NEK10: variants seen among roughly 807,000 people sequenced by gnomAD.
NEK10 encodes the protein serine/threonine-protein kinase Nek10.
Under a neutral mutation model 159.8 loss-of-function variants are expected in NEK10, and 122 were observed. That is an observed-to-expected ratio of 0.76 (90% confidence interval 0.66 to 0.89). The LOEUF (loss-of-function observed/expected upper bound fraction) is 0.89, where lower values mean the gene tolerates loss of function less well. Among genes scored for constraint, NEK10 ranks in the 40% least tolerant of loss-of-function variants. NEK10 has a pLI of 0.00. For missense variants in NEK10, 1,342 were observed against 1,323.1 expected (o/e 1.01, Z -0.22); for synonymous variants, 466 against 457.1 (o/e 1.02, Z -0.25).
At chr3:27,153,113 G>A (rs374380986) in intron 30 of NEK10, among the ~76,000 whole-genome samples, 2 of 152,260 alleles carry the variant, frequency 1.3e-5, no homozygotes, top group African/African-American at 4.8e-5. Context: ...GAGGTCAGGA[G>A]ATCGAGACTA....
intron 26 of NEK10, among the ~76,000 whole-genome samples, chr3:27,185,596 C>A (rs1948541015): frequency 6.6e-6 from 1 of 152,296 alleles, no homozygotes; most frequent in Non-Finnish European, 1.5e-5. Context: ...TTTGCACTTG[C>A]CTCGTCAGTC....
chr3:27,274,503 G>C (rs1401318762), intron 22 of NEK10, among the ~76,000 whole-genome samples: 1 of 152,058 alleles, frequency 6.6e-6, no homozygotes, highest in Non-Finnish European at 1.5e-5. Context: ...TCAGAATGGG[G>C]TTTGTTTCTG....
At chr3:27,258,198 A>G (rs182869763) in intron 22 of NEK10, among the ~76,000 whole-genome samples, 185 of 152,272 alleles carry the variant, frequency 1.2e-3, no homozygotes, top group Non-Finnish European at 2.0e-3. Context: ...AATTTAATAT[A>G]TGCAAATGTC....
At chr3:27,363,925 C>T (rs919760731) in intron 1 of NEK10, 6 of 152,084 alleles carry the variant, frequency 3.9e-5, no homozygotes, top group East Asian at 1.9e-4. Flanking sequence ...AGAAATGTCA[C>T]TGGAGTTCTC....
In NEK10 at chr3:27,301,825, A is replaced by C; in HGVS notation, c.1039T>G (p.Phe347Val). The C allele has an allele frequency of 6.4e-7, 1 of 1,551,682 alleles. No homozygotes were observed. Among genetic ancestry groups the C allele is most frequent in the Non-Finnish European group, 8.7e-7 (1 of 1,146,780 alleles). The change falls in exon 13 of 36, where the codon TTT becomes GTT. Residue 347 changes from phenylalanine (F) to valine (V), a missense_variant. Transcript: ENST00000691995. ...LLHILQGDRN[F>V]VSDHSSIGSL... ...CCAATGGAGGAGTGATCAGAAACAA[A>C]ATTTCTGTCTCTGAAAAAGAAAAGT... is the stretch of plus-strand genomic sequence containing the variant.
At position 27,171,835 on chromosome 3, in the gene NEK10, T is replaced by C; in HGVS notation, c.2815A>G (p.Arg939Gly). 6.2e-7 allele frequency: 1 copy of C among 1,613,880 alleles called. No homozygotes were observed. The highest frequency in any genetic ancestry group is 1.3e-5 in the African/African-American group (1 of 75,038). The change falls in exon 29 of 36, where the codon AGA becomes GGA. Residue 939 changes from arginine (R) to glycine (G), a missense_variant. By Grantham distance (125) the Arg-to-Gly change is moderately radical (BLOSUM62 -2). Coordinates refer to ENST00000691995, the MANE Select transcript of NEK10 (RefSeq NM_001394966.1). ...TGCACCTACCTTGTTTGGGATTGTCTTTCTCCTCCTGAAGCACTAAAACTT... is the reference window on the plus strand; with the variant it reads ...TGCACCTACCTTGTTTGGGATTGTCCTTCTCCTCCTGAAGCACTAAAACTT... ...KRSFSASGGE[R>G]QSQTRDFTGG... is the part of the protein sequence containing the mutation.
intron 11 of NEK10, among the ~76,000 whole-genome samples, chr3:27,306,897 T>C (rs1459210323): frequency 6.6e-6 from 1 of 152,192 alleles, no homozygotes; most frequent in Non-Finnish European, 1.5e-5. Context: ...ATTTCATGCC[T>C]CCATGTCCAA....
intron 20 of NEK10, among the ~76,000 whole-genome samples, chr3:27,286,075 A>T (rs2042570626): frequency 1.7e-5 from 2 of 120,170 alleles, no homozygotes; most frequent in Admixed American, 8.6e-5. Context: ...AGCCATTTCC[A>T]ATTCTTTTTT....
At position 27,301,723 on chromosome 3, in the gene NEK10, G is replaced by A; in HGVS notation, c.1141C>T (p.Gln381Ter). 1.4e-5 allele frequency: 22 copies of A among 1,575,272 alleles called. No homozygotes were observed. Among genetic ancestry groups the A allele is most frequent in the Non-Finnish European group, 1.8e-5 (21 of 1,156,016 alleles). The change falls in exon 13 of 36, where the codon CAA becomes TAA. Residue 381 changes from glutamine (Q) to a stop codon, truncating the protein, a stop_gained. Transcript: ENST00000691995. LOFTEE classifies it high-confidence loss of function. ...LSEDLSPREI[Q>*]ENTFSLQAAC... ...GCTTGAAGTGAGAAAGTATTTTCTTGTATTTCCCTAGGGCTCAAGTCTTCT... is the reference window on the plus strand; with the variant it reads ...GCTTGAAGTGAGAAAGTATTTTCTTATATTTCCCTAGGGCTCAAGTCTTCT...
At chr3:27,253,020 T>C in intron 23 of NEK10, 1 of 399,308 alleles carries the variant, frequency 2.5e-6, no homozygotes. Flanking sequence ...AAAATAATTT[T>C]TTTAAAAATT....
intron 1 of NEK10, among the ~76,000 whole-genome samples, chr3:27,358,792 G>A (rs1241343913): frequency 6.6e-6 from 1 of 152,108 alleles, no homozygotes; most frequent in Non-Finnish European, 1.5e-5. Flanking sequence ...GAATCATTAT[G>A]GTAAATCGCC....
intron 19 of NEK10, among the ~76,000 whole-genome samples, chr3:27,290,049 G>A (rs2042888835): frequency 6.6e-6 from 1 of 152,118 alleles, no homozygotes; most frequent in South Asian, 2.1e-4. Flanking sequence ...ATGTGTTCTT[G>A]GATCACACAA....
chr3:27,343,322 G>C (rs534807485), intron 5 of NEK10, among the ~76,000 whole-genome samples: 1 of 152,266 alleles, frequency 6.6e-6, no homozygotes, highest in African/African-American at 2.4e-5. Context: ...TCAGAATGCT[G>C]TTCTACTTAA....
chr3:27,358,531 C>T (rs1319624111), intron 1 of NEK10, among the ~76,000 whole-genome samples: 1 of 152,150 alleles, frequency 6.6e-6, no homozygotes, highest in Admixed American at 6.5e-5. Context: ...CCCTCATTTG[C>T]TCGTGATGTC....
chr3:27,220,173 A>G (rs761980263), intron 23 of NEK10, among the ~76,000 whole-genome samples: 6 of 152,234 alleles, frequency 3.9e-5, no homozygotes, highest in Non-Finnish European at 5.9e-5. Flanking sequence ...TGTGCAAATC[A>G]CCACAAATTC....
In NEK10 at chr3:27,290,705, A is replaced by G. The variant is rs1213628302; in HGVS notation, c.1655T>C (p.Leu552Ser). The G allele has an allele frequency of 2.5e-6, 4 of 1,609,032 alleles. No individual in the cohort carries two copies. Residue 552 changes from leucine (L) to serine (S), a missense_variant, in exon 19 of 36, where the codon TTA becomes TCA. Coordinates refer to ENST00000691995, the MANE Select transcript of NEK10 (RefSeq NM_001394966.1). The stretch of plus-strand genomic sequence containing the variant: ...ATCCTTTCCAAATGCTGGGTTATGT[A>G]AATTGACCTCTTTCATTGCTAAAAG... ...QNLLAMKEVNLHNPAFGKDKK... is the reference protein window; with the variant it reads ...QNLLAMKEVNSHNPAFGKDKK...
chr3:27,299,837 T>G (rs2043664279), intron 13 of NEK10, among the ~76,000 whole-genome samples: 1 of 152,156 alleles, frequency 6.6e-6, no homozygotes, highest in Non-Finnish European at 1.5e-5. Context: ...CCCCCCTTTG[T>G]TTTGGCCAAT....
chr3:27,118,695 T>C (rs944366842), intron 33 of NEK10, among the ~76,000 whole-genome samples: 1 of 152,236 alleles, frequency 6.6e-6, no homozygotes, highest in Non-Finnish European at 1.5e-5. Flanking sequence ...GTTTCTATGA[T>C]GCGGAGAAGT....
intron 25 of NEK10, among the ~76,000 whole-genome samples, chr3:27,200,355 G>A (rs909778110): frequency 1.3e-5 from 2 of 151,948 alleles, no homozygotes; most frequent in Non-Finnish European, 2.9e-5. Flanking sequence ...GAAGGCAGAT[G>A]AAAAAAGATT....
Sources: allele counts gnomAD v4.1 joint callset (sites outside exome capture counted in the v4.1 genomes callset), GRCh38; gene constraint gnomAD v4.1.1; transcripts MANE v1.5; gene names NCBI Gene and HGNC (gene_info 2026-07-23, HGNC 2026-07-21).